The following ZIC1 variants were observed in gnomAD, a reference collection of about 807,000 sequenced individuals.
The protein encoded by ZIC1 is zinc finger protein ZIC 1.
A neutral mutation model predicts 30.9 loss-of-function variants in ZIC1; 4 were observed. That is an observed-to-expected ratio of 0.13 (90% CI 0.06 to 0.30). The LOEUF (loss-of-function observed/expected upper bound fraction) is 0.30, where lower values mean the gene tolerates loss of function less well. ZIC1 is among the 10% of genes least tolerant of loss of function. The pLI is 1.00. For synonymous variants in ZIC1, 305 were observed against 277.5 expected, an observed-to-expected ratio of 1.10 and a Z score of -0.98; for missense variants, 441 against 639.3, an observed-to-expected ratio of 0.69 and a Z score of 3.34.
intron 2 of ZIC1, 95 bp downstream of exon 2, chr3:147,412,776 GAGCCAGAGGA>G (rs2087392890): frequency 5.4e-6 from 8 of 1,482,224 alleles, no homozygotes; most frequent in Non-Finnish European, 7.3e-6. Flanking sequence ...GCGGTGGCGG[GAGCCAGAGGA>G]AGCGGGAAGG....
Position 147,413,709 on chromosome 3 carries a change from G to A in ZIC1, c.*158G>A. On this transcript the variant is annotated 3_prime_UTR_variant, in exon 3 of 3. Transcript: ENST00000282928. ...GCCAATAGACCCAGGACGAGTAAGA[G>A]AGGAAGCATCAACCTTTTAAAAATT... 1 of 778,372 alleles carries A rather than the reference G, an allele frequency of 1.3e-6. No homozygotes were observed. The highest frequency in any genetic ancestry group is 1.9e-6 in the Non-Finnish European group (1 of 535,182). 48.2% of individuals were successfully genotyped at this position (778,372 alleles called of 1,614,324 possible). A position where few individuals can be genotyped will look rare whatever the true frequency, so the allele number is the denominator to read the frequency against.
Position 147,410,832 on chromosome 3 carries a change from G to A in ZIC1, c.720G>A (p.Lys240=), listed in dbSNP as rs746074176. The A allele has an allele frequency of 5.0e-6, 8 of 1,614,132 alleles. No individual in the cohort carries two copies. Among genetic ancestry groups the A allele is most frequent in the African/African-American group, 1.3e-5 (1 of 74,956 alleles). Reference sequence around the variant, plus strand: ...CCGAGCAGCTGGCCAACCCCAAAAAGTCGTGCAACAAAACTTTCAGCACCA... The same window carrying A: ...CCGAGCAGCTGGCCAACCCCAAAAAATCGTGCAACAAAACTTTCAGCACCA... The part of the protein sequence containing the change: ...IEPEQLANPK[K]SCNKTFSTMH... Residue 240 remains lysine, a synonymous_variant, in exon 1 of 3, where the codon AAG becomes AAA. Transcript: ENST00000282928.
chr3:147,410,761 A>C lies in ZIC1; in HGVS notation c.649A>C (p.Met217Leu). Residue 217 changes from methionine to leucine, a missense_variant, in exon 1 of 3, where the codon ATG becomes CTG. This residue lies in a region of ZIC1 where 307 missense variants were observed against 355.3 expected (regional missense o/e 0.86). Coordinates refer to ENST00000282928, the MANE Select transcript of ZIC1 (RefSeq NM_003412.4). ...HHGAGAFFRY[M>L]RQPIKQELIC... ...CGGCGCCGGCGCCTTCTTCCGCTACATGCGCCAACCCATCAAGCAAGAGCT... is the reference window on the plus strand; with the variant it reads ...CGGCGCCGGCGCCTTCTTCCGCTACCTGCGCCAACCCATCAAGCAAGAGCT... 6.2e-7 allele frequency: 1 copy of C among 1,614,166 alleles called. No homozygotes were observed. Among genetic ancestry groups the C allele is most frequent in the Non-Finnish European group, 8.5e-7 (1 of 1,180,018 alleles).
In ZIC1 at chr3:147,413,441, C is replaced by T. The variant is rs757317244; in HGVS notation, c.1234C>T (p.Pro412Ser). 3 of 1,614,090 alleles carry T rather than the reference C, an allele frequency of 1.9e-6. No individual in the cohort carries two copies. The highest frequency in any genetic ancestry group is 2.5e-6 in the Non-Finnish European group (3 of 1,180,052). Residue 412 changes from proline to serine, a missense_variant, in exon 3 of 3, where the codon CCC becomes TCC. Coordinates refer to ENST00000282928, the MANE Select transcript of ZIC1 (RefSeq NM_003412.4). ...ESSTPPTIVS[P>S]STDNPTTSSL... ...CTCCACGCCTCCCACCATCGTGTCTCCCTCCACAGACAACCCGACCACAAG... is the reference window on the plus strand; with the variant it reads ...CTCCACGCCTCCCACCATCGTGTCTTCCTCCACAGACAACCCGACCACAAG...
rs767508546 is a variant in ZIC1, at chr3:147,415,000, A to C, written c.*1449A>C. The C allele has an allele frequency of 6.6e-6, 1 of 152,656 alleles. No individual in the cohort carries two copies. The highest frequency in any genetic ancestry group is 1.5e-5 in the Non-Finnish European group (1 of 68,042). 9.5% of individuals were successfully genotyped at this position (152,656 alleles called of 1,614,324 possible). On this transcript the variant is annotated 3_prime_UTR_variant, in exon 3 of 3. Coordinates refer to ENST00000282928, the MANE Select transcript of ZIC1 (RefSeq NM_003412.4). The stretch of plus-strand genomic sequence containing the variant: ...GCAGATTTACAATATCATATTTTAA[A>C]TTGCTGTCTTCAATTAAACCATTTA...
chr3:147,411,534 A>T (rs1401062031), intron 1 of ZIC1, among the ~76,000 whole-genome samples: 2 of 152,158 alleles, frequency 1.3e-5, no homozygotes, highest in African/African-American at 4.8e-5. Flanking sequence ...GAGCTGAGGA[A>T]ATTGAGGAGG....
Position 147,412,672 on chromosome 3 carries a change from A to G in ZIC1, c.1137A>G (p.Lys379=), listed in dbSNP as rs375426325. ...ACACGCATCCCAGTTCGCTGCGCAA[A>G]CACATGAAGGTAATCGCCGCACTCT... ...KSYTHPSSLR[K]HMKVHESSSQ... Residue 379 remains lysine (K), a synonymous_variant, in exon 2 of 3, where the codon AAA becomes AAG. Transcript: ENST00000282928. 10 of 1,612,944 alleles carry G rather than the reference A, an allele frequency of 6.2e-6. No individual in the cohort carries two copies. Among genetic ancestry groups the G allele is most frequent in the Non-Finnish European group, 8.5e-6 (10 of 1,179,282 alleles).
At position 147,411,105 on chromosome 3, in the gene ZIC1, A is replaced by G; in HGVS notation, c.982+11A>G. ...AAAGGACGCACACAGGTACGGAAACAGCTGTAGGACCCCTACCCATTCCCA... is the reference window on the plus strand; with the variant it reads ...AAAGGACGCACACAGGTACGGAAACGGCTGTAGGACCCCTACCCATTCCCA... On this transcript the variant is annotated intron_variant, in intron 1 of 2. Transcript: ENST00000282928. 6.2e-7 allele frequency: 1 copy of G among 1,607,068 alleles called. No individual in the cohort carries two copies.
Position 147,410,080 on chromosome 3 carries a change from G to T in ZIC1, c.-33G>T. Reference sequence around the variant, plus strand: ...CTCGGCTGGCGAGGGTGGGGGGGGCGGGGGAGGCCGGGGCTCGCCCCGAGC... The same window carrying T: ...CTCGGCTGGCGAGGGTGGGGGGGGCTGGGGAGGCCGGGGCTCGCCCCGAGC... On this transcript the variant is annotated 5_prime_UTR_variant, in exon 1 of 3. Coordinates refer to ENST00000282928, the MANE Select transcript of ZIC1 (RefSeq NM_003412.4). 7.0e-7 allele frequency: 1 copy of T among 1,429,800 alleles called. No individual in the cohort carries two copies. The highest frequency in any genetic ancestry group is 9.1e-7 in the Non-Finnish European group (1 of 1,097,192). 88.6% of individuals were successfully genotyped at this position (1,429,800 alleles called of 1,614,324 possible).
Position 147,413,384 on chromosome 3 carries a change from C to G in ZIC1, c.1177C>G (p.Pro393Ala), listed in dbSNP as rs1193142978. 1.2e-6 allele frequency: 2 copies of G among 1,613,874 alleles called. No individual in the cohort carries two copies. Among genetic ancestry groups the G allele is most frequent in the African/African-American group, 1.3e-5 (1 of 74,910 alleles). ...VHESSSQGSQPSPAASSGYES... is the reference protein window; with the variant it reads ...VHESSSQGSQASPAASSGYES... ...CGAATCCTCCTCGCAGGGCTCGCAG[C>G]CTTCGCCGGCCGCCAGCTCTGGCTA... Residue 393 changes from proline (P) to alanine (A), a missense_variant, in exon 3 of 3, where the codon CCT becomes GCT. Pro to Ala is a conservative substitution (Grantham distance 27). Around this residue, in one of 5 missense-constraint regions of ZIC1, gnomAD observed 31 missense variants for 65.2 expected, o/e 0.48. Transcript: ENST00000282928.
rs543345501 is a variant in ZIC1, at chr3:147,413,620, T to C, written c.*69T>C. 3 of 1,545,950 alleles carry C rather than the reference T, an allele frequency of 1.9e-6. No homozygotes were observed. Among genetic ancestry groups the C allele is most frequent in the African/African-American group, 1.4e-5 (1 of 72,688 alleles). ...ATCACACACGTATACACAACATTAC[T>C]GAAAGAACCCTGCGAATCAAAACAA... On this transcript the variant is annotated 3_prime_UTR_variant, in exon 3 of 3. Coordinates refer to ENST00000282928, the MANE Select transcript of ZIC1 (RefSeq NM_003412.4).
At position 147,410,793 on chromosome 3, in the gene ZIC1, C is replaced by T. The variant is rs2087366508; in HGVS notation, c.681C>T (p.Cys227=). 1 of 1,614,132 alleles carries T rather than the reference C, an allele frequency of 6.2e-7. No homozygotes were observed. The highest frequency in any genetic ancestry group is 8.5e-7 in the Non-Finnish European group (1 of 1,180,058). Residue 227 remains cysteine, a synonymous_variant, in exon 1 of 3, where the codon TGC becomes TGT. Coordinates refer to ENST00000282928, the MANE Select transcript of ZIC1 (RefSeq NM_003412.4). ...AACCCATCAAGCAAGAGCTCATCTG[C>T]AAGTGGATCGAGCCCGAGCAGCTGG... ...MRQPIKQELI[C]KWIEPEQLAN...
Position 147,409,719 on chromosome 3 carries a change from A to C in ZIC1, c.-394A>C. ...GCGGCACTGGCGCTCACATTCCTCT[A>C]TGCTACAAATCCAGGAGGAAGTTTT... On this transcript the variant is annotated 5_prime_UTR_variant, in exon 1 of 3. It removes an upstream start codon present in the reference 5' UTR. Transcript: ENST00000282928. 1.0e-5 allele frequency: 2 copies of C among 198,872 alleles called. No homozygotes were observed. Among genetic ancestry groups the C allele is most frequent in the Non-Finnish European group, 2.0e-5 (2 of 99,110 alleles). The allele number at this position is 198,872 out of a possible 1,614,324, so 12.3% of individuals were successfully genotyped here.
At chr3:147,412,397 C>A in intron 1 of ZIC1, 121 bp from the exon 2 acceptor site, 2 of 1,198,130 alleles carry the variant, frequency 1.7e-6, no homozygotes, top group Non-Finnish European at 2.3e-6. Context: ...TTTAAGCTTG[C>A]AAAGTGCTAA....
At chr3:147,413,308 C>G in intron 2 of ZIC1, 46 bp from the exon 3 acceptor site, 4 of 1,580,998 alleles carry the variant, frequency 2.5e-6, no homozygotes, top group Non-Finnish European at 2.6e-6. Flanking sequence ...AGTCGGCCGC[C>G]GCACTGGCTC....
Position 147,410,720 on chromosome 3 carries a change from A to G in ZIC1, c.608A>G (p.Asn203Ser), listed in dbSNP as rs1461423275. ...QLHGYGPMNVNMAAHHGAGAF... is the reference protein window; with the variant it reads ...QLHGYGPMNVSMAAHHGAGAF... ...CACGGCTACGGGCCCATGAACGTGA[A>G]CATGGCCGCGCATCACGGCGCCGGC... Residue 203 changes from asparagine to serine, a missense_variant, in exon 1 of 3, where the codon AAC becomes AGC. By Grantham distance (46) the Asn-to-Ser change is conservative. This residue lies in a region of ZIC1 where 307 missense variants were observed against 355.3 expected (regional missense o/e 0.86). Transcript: ENST00000282928. 10 of 1,613,902 alleles carry G rather than the reference A, an allele frequency of 6.2e-6. No homozygotes were observed. Among genetic ancestry groups the G allele is most frequent in the Non-Finnish European group, 7.6e-6 (9 of 1,179,956 alleles).
rs2087365696 is a variant in ZIC1, at chr3:147,410,742, C to G, written c.630C>G (p.Ala210=). 3 of 1,614,110 alleles carry G rather than the reference C, an allele frequency of 1.9e-6. No individual in the cohort carries two copies. The highest frequency in any genetic ancestry group is 4.5e-5 in the East Asian group (2 of 44,870). ...MNVNMAAHHG[A]GAFFRYMRQP... ...TGAACATGGCCGCGCATCACGGCGC[C>G]GGCGCCTTCTTCCGCTACATGCGCC... Residue 210 remains alanine (A), a synonymous_variant, in exon 1 of 3, where the codon GCC becomes GCG. Transcript: ENST00000282928.
In ZIC1 at chr3:147,416,142, T is replaced by G. The variant is rs975064842; in HGVS notation, c.*2591T>G. 2 of 152,212 alleles carry G rather than the reference T, an allele frequency of 1.3e-5. No homozygotes were observed. The highest frequency in any genetic ancestry group is 2.4e-5 in the African/African-American group (1 of 41,458). 9.4% of individuals were successfully genotyped at this position (152,212 alleles called of 1,614,324 possible). On this transcript the variant is annotated 3_prime_UTR_variant, in exon 3 of 3. Coordinates refer to ENST00000282928, the MANE Select transcript of ZIC1 (RefSeq NM_003412.4). Reference sequence around the variant, plus strand: ...ATTGGTTTGGAAGTTTGAAACTGATTAACAGATTTGCATTTGAAGTGACTC... The same window carrying G: ...ATTGGTTTGGAAGTTTGAAACTGATGAACAGATTTGCATTTGAAGTGACTC...
At chr3:147,413,103 C>G (rs1332966379) in intron 2 of ZIC1, among the ~76,000 whole-genome samples, 1 of 152,116 alleles carries the variant, frequency 6.6e-6, no homozygotes, top group African/African-American at 2.4e-5. Flanking sequence ...CAGTCTCTGG[C>G]CTCATATCCA....
Sources: gnomAD v4.1 joint callset for allele counts (sites outside exome capture counted in the v4.1 genomes callset) on GRCh38, gnomAD v4.1.1 for gene constraint, gnomAD v4.1.1 regional missense constraint, MANE v1.5 for transcripts, NCBI Gene and HGNC (gene_info 2026-07-23, HGNC 2026-07-21) for gene names.